The following SKAP1 variants were observed in gnomAD, a reference collection of about 807,000 sequenced individuals.
The protein encoded by SKAP1 is src kinase associated phosphoprotein 1.
In SKAP1, 44 loss-of-function variants were observed where a neutral mutation model predicts 58.5. The observed-to-expected ratio is 0.75, with a 90% confidence interval of 0.59 to 0.97. The LOEUF is 0.97. Among genes scored for constraint, SKAP1 ranks in the 50% least tolerant of loss-of-function variants. The probability of loss-of-function intolerance (pLI) is 0.00; values close to 1 mark genes in which losing one functional copy is unlikely to be tolerated. For missense variants in SKAP1, 390 were observed against 435.2 expected (o/e 0.90, Z 0.92); for synonymous variants, 127 against 149.7 (o/e 0.85, Z 1.11).
chr17:48,212,402 T>C (rs1217071152), intron 4 of SKAP1, among the ~76,000 whole-genome samples: 1 of 152,218 alleles, frequency 6.6e-6, no homozygotes, highest in Non-Finnish European at 1.5e-5. Flanking sequence ...ACAGGCCTTC[T>C]TGTCCAAGTT....
intron 4 of SKAP1, among the ~76,000 whole-genome samples, chr17:48,253,586 C>T (rs927255469): frequency 2.0e-5 from 3 of 152,144 alleles, no homozygotes; most frequent in Non-Finnish European, 4.4e-5. Flanking sequence ...ATTAGGATGG[C>T]TACAGGATAC....
At chr17:48,330,520 A>C (rs7211281) in intron 4 of SKAP1, among the ~76,000 whole-genome samples, 156 of 152,352 alleles carry the variant, frequency 1.0e-3, no homozygotes, top group African/African-American at 3.7e-3. Context: ...AAAACCAAAC[A>C]AACCACCAGA....
intron 9 of SKAP1, among the ~76,000 whole-genome samples, chr17:48,177,152 A>G (rs1644000767): frequency 6.6e-6 from 1 of 152,096 alleles, no homozygotes; most frequent in Non-Finnish European, 1.5e-5. Flanking sequence ...GGTGCACTCC[A>G]CATTCCATCT....
chr17:48,415,273 T>C (rs2067718535), intron 1 of SKAP1, among the ~76,000 whole-genome samples: 1 of 152,090 alleles, frequency 6.6e-6, no homozygotes, highest in Non-Finnish European at 1.5e-5. Flanking sequence ...ATTCTAGCAT[T>C]ACACTCAAGA....
At chr17:48,342,865 G>A (rs1411161568) in intron 4 of SKAP1, among the ~76,000 whole-genome samples, 2 of 152,036 alleles carry the variant, frequency 1.3e-5, no homozygotes, top group Non-Finnish European at 1.5e-5. Context: ...GGCGCCTATA[G>A]TCCCAGCTAC....
intron 4 of SKAP1, among the ~76,000 whole-genome samples, chr17:48,290,872 G>C (rs2065889888): frequency 6.6e-6 from 1 of 152,170 alleles, no homozygotes; most frequent in Admixed American, 6.5e-5. Context: ...CTGGTGTGGT[G>C]ACTCACACCT....
chr17:48,276,419 A>T (rs1303578364), intron 4 of SKAP1, among the ~76,000 whole-genome samples: 1 of 152,144 alleles, frequency 6.6e-6, no homozygotes, highest in African/African-American at 2.4e-5. Context: ...TATCTTAATG[A>T]TTATGGTTAG....
intron 4 of SKAP1, among the ~76,000 whole-genome samples, chr17:48,231,485 C>T (rs896856036): frequency 6.6e-6 from 1 of 151,580 alleles, no homozygotes; most frequent in Admixed American, 6.6e-5. Flanking sequence ...AAGGGTACTA[C>T]ACAAGTAGAA....
At chr17:48,437,822 G>A in the SKAP1 span, among the ~76,000 whole-genome samples, 2 of 149,500 alleles carry the variant, frequency 1.3e-5, no homozygotes, top group Admixed American at 6.7e-5. Flanking sequence ...AAATATAGAA[G>A]TCATCTTCGA....
chr17:48,310,187 T>C (rs1054494466), intron 4 of SKAP1, among the ~76,000 whole-genome samples: 1 of 152,232 alleles, frequency 6.6e-6, no homozygotes, highest in Non-Finnish European at 1.5e-5. Context: ...AACGAACAGA[T>C]GTACTGAAGA....
intron 2 of SKAP1, among the ~76,000 whole-genome samples, chr17:48,377,860 G>A (rs2067170100): frequency 6.6e-6 from 1 of 152,100 alleles, no homozygotes; most frequent in Admixed American, 6.6e-5. Flanking sequence ...AAATACTTTA[G>A]TCCATTAAAA....
At chr17:48,259,822 T>C (rs943371079) in intron 4 of SKAP1, among the ~76,000 whole-genome samples, 2 of 152,132 alleles carry the variant, frequency 1.3e-5, no homozygotes, top group African/African-American at 4.8e-5. Flanking sequence ...TAATCTTGCC[T>C]TGGCAGGAAA....
chr17:48,366,040 T>G (rs2144407479), intron 2 of SKAP1, among the ~76,000 whole-genome samples: 1 of 152,158 alleles, frequency 6.6e-6, no homozygotes, highest in African/African-American at 2.4e-5. Context: ...AAGCTTGCAG[T>G]TTAAAGGGTC....
intron 3 of SKAP1, among the ~76,000 whole-genome samples, chr17:48,353,494 C>T (rs2144356952): frequency 6.6e-6 from 1 of 152,112 alleles, no homozygotes; most frequent in East Asian, 1.9e-4. Context: ...ATTTACAATC[C>T]TGATACATTT....
At chr17:48,190,134 T>C (rs1598410231) in intron 4 of SKAP1, among the ~76,000 whole-genome samples, 1 of 149,458 alleles carries the variant, frequency 6.7e-6, no homozygotes, top group East Asian at 2.0e-4. Context: ...TTTGAGACAG[T>C]CTGTCTCTGT....
rs1461451534 is a variant in SKAP1, at chr17:48,347,985, C to T, written c.179-1979G>A. Reference sequence around the variant, plus strand: ...GGATATACTGAACATTATGTATAAACTATTATTCTGGACTTAAAGTTCTCT... The same window carrying T: ...GGATATACTGAACATTATGTATAAATTATTATTCTGGACTTAAAGTTCTCT... On this transcript the variant is annotated intron_variant, in intron 3 of 12. Coordinates refer to ENST00000336915, the MANE Select transcript of SKAP1 (RefSeq NM_003726.4). 2.6e-5 allele frequency among the ~76,000 whole-genome samples: 4 copies of T among 152,176 alleles called. No homozygotes were observed. In the East Asian group the frequency reaches 7.7e-4, roughly 29 times the overall value.
intron 11 of SKAP1, among the ~76,000 whole-genome samples, chr17:48,148,781 A>C (rs1271795437): frequency 6.6e-6 from 1 of 152,180 alleles, no homozygotes; most frequent in Non-Finnish European, 1.5e-5. Flanking sequence ...TTTTTATTTT[A>C]AAATAATTTC....
chr17:48,226,390 A>G (rs1042356161), intron 4 of SKAP1, among the ~76,000 whole-genome samples: 1 of 152,072 alleles, frequency 6.6e-6, no homozygotes, highest in Non-Finnish European at 1.5e-5. Flanking sequence ...AAGTGACAGT[A>G]TATGTTGACA....
chr17:48,193,063 CAG>C (rs1442623987), intron 4 of SKAP1, among the ~76,000 whole-genome samples: 1 of 152,012 alleles, frequency 6.6e-6, no homozygotes, highest in Non-Finnish European at 1.5e-5. Flanking sequence ...TTTTTTGAGA[CAG>C]AGTCTCACTC....
Sources: allele counts gnomAD v4.1 joint callset (sites outside exome capture counted in the v4.1 genomes callset), GRCh38; gene constraint gnomAD v4.1.1; transcripts MANE v1.5; gene names NCBI Gene and HGNC (gene_info 2026-07-23, HGNC 2026-07-21).